The following LNX2 variants were observed in gnomAD, a reference collection of about 807,000 sequenced individuals.
LNX2 encodes the protein ligand of numb-protein X 2, also known as ligand of Numb protein X 2.
A neutral mutation model predicts 66.2 loss-of-function variants in LNX2; 35 were observed. That is an observed-to-expected ratio of 0.53 (90% CI 0.40 to 0.70). The LOEUF is 0.70. LNX2 is among the 30% of genes least tolerant of loss of function. The pLI is 0.00. For missense variants in LNX2, 791 were observed against 850.8 expected (o/e 0.93, Z 0.87); for synonymous variants, 337 against 315.6 (o/e 1.07, Z -0.72).
chr13:27,591,681 C>A (rs1393499274), intron 1 of LNX2, among the ~76,000 whole-genome samples: 2 of 152,178 alleles, frequency 1.3e-5, no homozygotes, highest in African/African-American at 2.4e-5. Context: ...GAGTTGAGCA[C>A]TGAACAGACA....
At chr13:27,609,157 TTC>T (rs138334000) in intron 1 of LNX2, among the ~76,000 whole-genome samples, 91,928 of 135,576 alleles carry the variant, frequency 0.68, 30,449 homozygotes, top group East Asian at 0.82. Context: ...GATTTTTTTT[TTC>T]TTTTTTTTTA....
chr13:27,556,210 TA>T (rs1263284864), intron 7 of LNX2, 25 bp downstream of exon 7: 3 of 1,600,586 alleles, frequency 1.9e-6, no homozygotes, highest in Non-Finnish European at 2.6e-6. Context: ...TAAGATGTGG[TA>T]AAATTTTTCA....
intron 4 of LNX2, among the ~76,000 whole-genome samples, chr13:27,566,498 G>A (rs145080193): frequency 6.1e-4 from 93 of 152,296 alleles, no homozygotes; most frequent in Non-Finnish European, 1.1e-3. Context: ...AGAAGAGACC[G>A]TGGAGGACCC....
chr13:27,602,432 G>A (rs1955667838), intron 1 of LNX2, among the ~76,000 whole-genome samples: 2 of 152,030 alleles, frequency 1.3e-5, no homozygotes, highest in Admixed American at 1.3e-4. Context: ...TCATAGATTA[G>A]TTTTGACTAT....
chr13:27,594,973 C>T (rs1249964789), intron 1 of LNX2, among the ~76,000 whole-genome samples: 1 of 152,180 alleles, frequency 6.6e-6, no homozygotes, highest in Non-Finnish European at 1.5e-5. Context: ...ATACTATTTT[C>T]CCTGCCTGAA....
At chr13:27,614,716 G>C (rs113932076) in intron 1 of LNX2, among the ~76,000 whole-genome samples, 4 of 152,322 alleles carry the variant, frequency 2.6e-5, no homozygotes, top group East Asian at 1.9e-4. Context: ...TAAGATTTAA[G>C]TAAAGGTCTC....
intron 2 of LNX2, among the ~76,000 whole-genome samples, chr13:27,573,333 C>T (rs926783873): frequency 6.6e-6 from 1 of 150,480 alleles, no homozygotes; most frequent in African/African-American, 2.5e-5. Flanking sequence ...TCTTTTTTTT[C>T]CCCCTATACT....
chr13:27,600,911 C>G (rs566001510), intron 1 of LNX2, among the ~76,000 whole-genome samples: 106 of 152,270 alleles, frequency 7.0e-4, no homozygotes, highest in Non-Finnish European at 1.0e-4. Flanking sequence ...AAGTCAACTT[C>G]CCCAGAATCA....
intron 7 of LNX2, among the ~76,000 whole-genome samples, chr13:27,555,864 T>C (rs1243756265): frequency 1.3e-5 from 2 of 152,228 alleles, no homozygotes; most frequent in Non-Finnish European, 2.9e-5. Flanking sequence ...TTTTGTCTTC[T>C]GCTCCACCTC....
At chr13:27,569,354 G>A (rs1458162523) in intron 2 of LNX2, 78 bp from the exon 3 acceptor site, 8 of 1,473,984 alleles carry the variant, frequency 5.4e-6, no homozygotes, top group Admixed American at 2.0e-5. Flanking sequence ...GGGACTAATA[G>A]CTTCTACACA....
At chr13:27,564,207 C>T (rs560270538) in intron 4 of LNX2, among the ~76,000 whole-genome samples, 1 of 152,192 alleles carries the variant, frequency 6.6e-6, no homozygotes, top group Non-Finnish European at 1.5e-5. Context: ...CTTTGTGAAG[C>T]AGGCTGGGGA....
At chr13:27,564,229 C>G (rs148642215) in intron 4 of LNX2, among the ~76,000 whole-genome samples, 53 of 152,294 alleles carry the variant, frequency 3.5e-4, no homozygotes, top group African/African-American at 1.3e-3. Context: ...TATTCTACAA[C>G]TGGAAAAAGA....
At chr13:27,556,129 T>C in intron 7 of LNX2, 107 bp downstream of exon 7, 4 of 1,132,640 alleles carry the variant, frequency 3.5e-6, no homozygotes, top group Non-Finnish European at 5.0e-6. Flanking sequence ...TTAAAGAACT[T>C]AAAAAAGTCA....
At chr13:27,601,634 T>C (rs1175813960) in intron 1 of LNX2, among the ~76,000 whole-genome samples, 1 of 152,178 alleles carries the variant, frequency 6.6e-6, no homozygotes, top group Non-Finnish European at 1.5e-5. Flanking sequence ...TAATATATCA[T>C]GCATGAACAG....
At chr13:27,611,540 T>C (rs896661277) in intron 1 of LNX2, among the ~76,000 whole-genome samples, 9 of 152,198 alleles carry the variant, frequency 5.9e-5, no homozygotes, top group Admixed American at 5.9e-4. Flanking sequence ...GTGAATATAT[T>C]TAAACGTGTA....
chr13:27,572,077 A>T (rs1955287750), intron 2 of LNX2, among the ~76,000 whole-genome samples: 1 of 152,196 alleles, frequency 6.6e-6, no homozygotes, highest in African/African-American at 2.4e-5. Context: ...TATCATACTA[A>T]ATTCATTCCT....
At chr13:27,585,553 GTTC>G (rs1955475374) in intron 1 of LNX2, among the ~76,000 whole-genome samples, 1 of 152,070 alleles carries the variant, frequency 6.6e-6, no homozygotes, top group South Asian at 2.1e-4. Flanking sequence ...TATAATTCAT[GTTC>G]TTCTCCCTTT....
chr13:27,585,147 G>A (rs529239999), intron 1 of LNX2, among the ~76,000 whole-genome samples: 32 of 146,618 alleles, frequency 2.2e-4, no homozygotes, highest in Admixed American at 1.1e-3. Context: ...AAAAATGGGC[G>A]AGGCACGGTG....
rs567402317 is a variant in LNX2, at chr13:27,576,408, G to A, written c.407+4889C>T. Among the ~76,000 whole-genome samples, 42 of 152,216 alleles carry A rather than the reference G, an allele frequency of 2.8e-4. No homozygotes were observed. In the South Asian group the frequency reaches 7.7e-3, roughly 28 times the overall value. ...GGACATTTTCCAAGACAGGCCATGT[G>A]CTAGGCCATTTTAAAAAAGGCCTCA... On this transcript the variant is annotated intron_variant, in intron 2 of 9. Transcript: ENST00000316334.
Sources: gnomAD v4.1 joint callset for allele counts (sites outside exome capture counted in the v4.1 genomes callset) on GRCh38, gnomAD v4.1.1 for gene constraint, MANE v1.5 for transcripts, NCBI Gene and HGNC (gene_info 2026-07-23, HGNC 2026-07-21) for gene names.